BRIP1: variants seen among roughly 807,000 people sequenced by gnomAD.
BRIP1 encodes Fanconi anemia group J protein.
In BRIP1, 88 loss-of-function variants were observed where a neutral mutation model predicts 119.7. That is an observed-to-expected ratio of 0.74 (90% CI 0.62 to 0.88). BRIP1 has a LOEUF of 0.88. Ranked by LOEUF, BRIP1 falls within the 40% of genes least tolerant of loss-of-function variation. BRIP1 has a pLI of 0.00. For missense variants in BRIP1, 1,259 were observed against 1,455.4 expected, an observed-to-expected ratio of 0.87 and a Z score of 2.20; for synonymous variants, 443 against 496.5, an observed-to-expected ratio of 0.89 and a Z score of 1.43.
intron 14 of BRIP1, among the ~76,000 whole-genome samples, chr17:61,749,925 C>T (rs548785504): frequency 4.6e-5 from 7 of 152,164 alleles, no homozygotes; most frequent in Non-Finnish European, 8.8e-5. Context: ...TTAGTCCTAA[C>T]AGGTTTTTTA....
Position 61,736,522 on chromosome 17 carries a change from T to C in BRIP1, c.2379+6491A>G, listed in dbSNP as rs1006306596. ...CTATAACTACCCTGTATTGCCTCCT[T>C]ATGAGTCATATCACTGTTTACTACC... On this transcript the variant is annotated intron_variant, in intron 16 of 19. Transcript: ENST00000259008. This position sits in a 1 kb window ranked among gnomAD's most constrained non-coding sequence, Gnocchi z 4.4. Among the ~76,000 whole-genome samples, 4 of 152,144 alleles carry C rather than the reference T, an allele frequency of 2.6e-5. No individual in the cohort carries two copies. Among genetic ancestry groups the C allele is most frequent in the Non-Finnish European group, 5.9e-5 (4 of 68,016 alleles).
intron 10 of BRIP1, 83 bp from the exon 11 acceptor site, chr17:61,784,507 A>G (rs1225187237): frequency 3.9e-6 from 5 of 1,266,750 alleles, no homozygotes; most frequent in Non-Finnish European, 5.7e-6. Flanking sequence ...ATGAAACCCA[A>G]CAAAACATGC....
intron 10 of BRIP1, among the ~76,000 whole-genome samples, chr17:61,787,784 A>G (rs2077754984): frequency 6.6e-6 from 1 of 152,108 alleles, no homozygotes; most frequent in Non-Finnish European, 1.5e-5. Context: ...AGCGGGGACT[A>G]CAGGCGCCCG....
In BRIP1 at chr17:61,802,587, A is replaced by G. The variant is rs2078012551; in HGVS notation, c.919-1113T>C. Reference sequence around the variant, plus strand: ...TTTGTTTTCTTCTGTCTAGCGTATTAAAAATCATACAAGGAAAATCTTGAC... The same window carrying G: ...TTTGTTTTCTTCTGTCTAGCGTATTGAAAATCATACAAGGAAAATCTTGAC... On this transcript the variant is annotated intron_variant, in intron 7 of 19. Transcript: ENST00000259008. This position sits in a 1 kb window ranked among gnomAD's most constrained non-coding sequence, Gnocchi z 6.0. Among the ~76,000 whole-genome samples the G allele has an allele frequency of 6.6e-6, 1 of 152,210 alleles. No homozygotes were observed. The highest frequency in any genetic ancestry group is 2.1e-4 in the South Asian group (1 of 4,836).
In BRIP1 at chr17:61,842,499, TA is replaced by T. The variant is rs1304757095; in HGVS notation, c.627+4601del. Reference sequence around the variant, plus strand: ...TGTTTGAGGCGATGGATATGTTAATTACTCTGATTTGATCATTACACATCAT... The same window carrying T: ...TGTTTGAGGCGATGGATATGTTAATTCTCTGATTTGATCATTACACATCAT... On this transcript the variant is annotated intron_variant, in intron 6 of 19. Transcript: ENST00000259008. This position sits in a 1 kb window ranked among gnomAD's most constrained non-coding sequence, Gnocchi z 5.1. Among the ~76,000 whole-genome samples the T allele has an allele frequency of 1.3e-5, 2 of 152,240 alleles. No homozygotes were observed. The highest frequency in any genetic ancestry group is 4.8e-5 in the African/African-American group (2 of 41,452).
rs542903090 is a variant in BRIP1 at position 61,755,932 on chromosome 17, A to T, written c.2098-11341T>A. Among the ~76,000 whole-genome samples, 12 of 152,354 alleles carry T rather than the reference A, an allele frequency of 7.9e-5. No homozygotes were observed. The East Asian group carries it at 1.9e-3, about 24-fold the overall frequency. ...GGCAAAGAGCTATGAGGAACACTTC[A>T]TAAAAGGGAGAATTTGGTGACTATG... On this transcript the variant is annotated intron_variant, in intron 14 of 19. Transcript: ENST00000259008. This position sits in a 1 kb window ranked among gnomAD's most constrained non-coding sequence, Gnocchi z 4.5.
In BRIP1 at chr17:61,703,828, G is replaced by A. The variant is rs1384487123; in HGVS notation, c.2493-10316C>T. 1.3e-5 allele frequency among the ~76,000 whole-genome samples: 2 copies of A among 152,040 alleles called. No homozygotes were observed. Among genetic ancestry groups the A allele is most frequent in the South Asian group, 2.1e-4 (1 of 4,812 alleles). On this transcript the variant is annotated intron_variant, in intron 17 of 19. Coordinates refer to ENST00000259008, the MANE Select transcript of BRIP1 (RefSeq NM_032043.3). This position sits in a 1 kb window ranked among gnomAD's most constrained non-coding sequence, Gnocchi z 5.0. ...TTGTTGTATATAGTGTAAGGAAGGG[G>A]GTCCAGTTTCAATCTTCTGCTTACG... is the stretch of plus-strand genomic sequence containing the variant.
In BRIP1 at chr17:61,814,371, C is replaced by G. The variant is rs757486822; in HGVS notation, c.628-5614G>C. On this transcript the variant is annotated intron_variant, in intron 6 of 19. Transcript: ENST00000259008. The surrounding 1 kb of genome is among the most constrained non-coding windows in gnomAD (Gnocchi z 4.9). ...GCAGTGCTTACAGTCAAGTGAGGATCAGTATCTACAACATATAAAGAATTC... is the reference window on the plus strand; with the variant it reads ...GCAGTGCTTACAGTCAAGTGAGGATGAGTATCTACAACATATAAAGAATTC... Among the ~76,000 whole-genome samples the G allele has an allele frequency of 3.3e-5, 5 of 152,006 alleles. No homozygotes were observed. The highest frequency in any genetic ancestry group is 7.4e-5 in the Non-Finnish European group (5 of 67,896).
chr17:61,785,983 T>C (rs2077699484), intron 10 of BRIP1, among the ~76,000 whole-genome samples: 1 of 152,086 alleles, frequency 6.6e-6, no homozygotes. Context: ...AAAAAGTTAA[T>C]TATGGTTCCT....
intron 14 of BRIP1, among the ~76,000 whole-genome samples, chr17:61,750,475 A>T (rs940255135): frequency 6.6e-6 from 1 of 152,206 alleles, no homozygotes; most frequent in Non-Finnish European, 1.5e-5. Flanking sequence ...TGGCTGTGGC[A>T]TCAAAAGCAT....
In BRIP1 at chr17:61,724,029, A is replaced by G. The variant is rs2062025041; in HGVS notation, c.2380-7966T>C. Among the ~76,000 whole-genome samples, 1 of 152,148 alleles carries G rather than the reference A, an allele frequency of 6.6e-6. No homozygotes were observed. The highest frequency in any genetic ancestry group is 2.4e-5 in the African/African-American group (1 of 41,438). On this transcript the variant is annotated intron_variant, in intron 16 of 19. Transcript: ENST00000259008. This position sits in a 1 kb window ranked among gnomAD's most constrained non-coding sequence, Gnocchi z 5.1. ...TGGTTCAGATGCTGCATAGATTCAC[A>G]AAAATTTATCATTTCATAATTGAAG... is the stretch of plus-strand genomic sequence containing the variant.
Position 61,841,375 on chromosome 17 carries a change from T to C in BRIP1, c.627+5726A>G, listed in dbSNP as rs1226617562. ...CAACAGCAAAAAAAAAAAAATCTGA[T>C]TTTAAAATAGGCAAAGGGTGTGAAT... On this transcript the variant is annotated intron_variant, in intron 6 of 19. Transcript: ENST00000259008. The surrounding 1 kb of genome is among the most constrained non-coding windows in gnomAD (Gnocchi z 4.1). 2.0e-5 allele frequency among the ~76,000 whole-genome samples: 3 copies of C among 151,342 alleles called. No homozygotes were observed.
At chr17:61,850,102 A>ATC (rs1567869372) in intron 4 of BRIP1, among the ~76,000 whole-genome samples, 4 of 130,674 alleles carry the variant, frequency 3.1e-5, no homozygotes, top group Non-Finnish European at 4.9e-5. Context: ...TTTTTTAACC[A>ATC]TCTTTTTTTT....
In BRIP1 at chr17:61,846,951, A is replaced by G. The variant is rs1603361430; in HGVS notation, c.627+150T>C. The G allele has an allele frequency of 2.4e-6, 2 of 845,870 alleles. No homozygotes were observed. Among genetic ancestry groups the G allele is most frequent in the South Asian group, 1.6e-5 (1 of 62,630 alleles). 52.4% of individuals were successfully genotyped at this position (845,870 alleles called of 1,614,324 possible). ...GAGAATAGGCTTTGCCATCTCACAC[A>G]TTAGTAACAGAGATGTGACAGCATT... On this transcript the variant is annotated intron_variant, in intron 6 of 19. Coordinates refer to ENST00000259008, the MANE Select transcript of BRIP1 (RefSeq NM_032043.3). The surrounding 1 kb of genome is among the most constrained non-coding windows in gnomAD (Gnocchi z 4.3).
rs1191252170 is a variant in BRIP1, at chr17:61,708,618, G to A, written c.2492+7333C>T. 6.6e-6 allele frequency among the ~76,000 whole-genome samples: 1 copy of A among 152,066 alleles called. No homozygotes were observed. Among genetic ancestry groups the A allele is most frequent in the Non-Finnish European group, 1.5e-5 (1 of 67,998 alleles). ...CTGCTGTGTTTTTGTTTGCTTTGTTGGACTTGTTTTGTTGTTGTTGTTTTG... is the reference window on the plus strand; with the variant it reads ...CTGCTGTGTTTTTGTTTGCTTTGTTAGACTTGTTTTGTTGTTGTTGTTTTG... On this transcript the variant is annotated intron_variant, in intron 17 of 19. Coordinates refer to ENST00000259008, the MANE Select transcript of BRIP1 (RefSeq NM_032043.3). The surrounding 1 kb of genome is among the most constrained non-coding windows in gnomAD (Gnocchi z 4.4).
chr17:61,846,161 T>A lies in BRIP1; in HGVS notation c.627+940A>T, dbSNP rs1403038678. Among the ~76,000 whole-genome samples, 1 of 150,862 alleles carries A rather than the reference T, an allele frequency of 6.6e-6. No homozygotes were observed. Among genetic ancestry groups the A allele is most frequent in the East Asian group, 2.0e-4 (1 of 5,098 alleles). On this transcript the variant is annotated intron_variant, in intron 6 of 19. Transcript: ENST00000259008. This position sits in a 1 kb window ranked among gnomAD's most constrained non-coding sequence, Gnocchi z 4.3. ...CACGCCACCGCACTTCCAGCCTGGGTGACAGAGCGATACTCCGTCTCAAAA... is the reference window on the plus strand; with the variant it reads ...CACGCCACCGCACTTCCAGCCTGGGAGACAGAGCGATACTCCGTCTCAAAA...
intron 6 of BRIP1, 90 bp downstream of exon 6, chr17:61,847,011 A>G (rs1437193736): frequency 5.9e-6 from 9 of 1,518,784 alleles, no homozygotes; most frequent in Non-Finnish European, 7.3e-6. Context: ...TGTCCTTTGT[A>G]TTATACTATT....
chr17:61,808,490 T>G lies in BRIP1; in HGVS notation c.895A>C (p.Met299Leu), dbSNP rs1242769076. ...VGNFNRNEKC[M>L]ELLDGKNGKS... Reference sequence around the variant, plus strand: ...ACGTTTTTCCCATCTAGCAATTCCATGCACTTCTCATTTCTGTTGAAGTTA... The same window carrying G: ...ACGTTTTTCCCATCTAGCAATTCCAGGCACTTCTCATTTCTGTTGAAGTTA... The change falls in exon 7 of 20, where the codon ATG (methionine) becomes CTG (leucine). Residue 299 changes from methionine to leucine, a missense_variant. This residue lies in a region of BRIP1 where 501 missense variants were observed against 544.0 expected (regional missense o/e 0.92). Transcript: ENST00000259008. This position sits in a 1 kb window ranked among gnomAD's most constrained non-coding sequence, Gnocchi z 4.1. 5.0e-6 allele frequency: 8 copies of G among 1,613,780 alleles called. No individual in the cohort carries two copies. Among genetic ancestry groups the G allele is most frequent in the Non-Finnish European group, 6.8e-6 (8 of 1,179,672 alleles).
At position 61,805,557 on chromosome 17, in the gene BRIP1, T is replaced by C. The variant is rs1041594095; in HGVS notation, c.918+2910A>G. Among the ~76,000 whole-genome samples the C allele has an allele frequency of 2.0e-5, 3 of 152,324 alleles. No individual in the cohort carries two copies. The highest frequency in any genetic ancestry group is 4.4e-5 in the Non-Finnish European group (3 of 68,020). On this transcript the variant is annotated intron_variant, in intron 7 of 19. Transcript: ENST00000259008. This position sits in a 1 kb window ranked among gnomAD's most constrained non-coding sequence, Gnocchi z 5.6. ...GTTCTGGTCCCTCCTTGCTAATTAC[T>C]TGTCTGACTGAGAAAACTCCAGGGC... is the stretch of plus-strand genomic sequence containing the variant.
Sources: allele counts gnomAD v4.1 joint callset (sites outside exome capture counted in the v4.1 genomes callset), GRCh38; gene constraint gnomAD v4.1.1; regional missense constraint gnomAD v4.1.1; non-coding constraint Gnocchi (gnomAD v3.1); transcripts MANE v1.5; gene names NCBI Gene and HGNC (gene_info 2026-07-23, HGNC 2026-07-21).